EML6: variants seen among roughly 807,000 people sequenced by gnomAD.
The protein encoded by EML6 is echinoderm microtubule-associated protein-like 6.
In EML6, 154 loss-of-function variants were observed where a neutral mutation model predicts 240.1. That is an observed-to-expected ratio of 0.64 (90% CI 0.56 to 0.73). EML6 has a LOEUF of 0.73. EML6 is among the 30% of genes least tolerant of loss of function. The pLI is 0.00. For synonymous variants in EML6, 1,148 were observed against 899.0 expected (o/e 1.28, Z -4.95); for missense variants, 2,964 against 2,474.6 (o/e 1.20, Z -4.20).
chr2:54,744,781 GAAAATTT>G (rs1480200320), intron 2 of EML6, among the ~76,000 whole-genome samples: 1 of 151,984 alleles, frequency 6.6e-6, no homozygotes, highest in Non-Finnish European at 1.5e-5. Flanking sequence ...GGTGCCTATT[GAAAATTT>G]AACTATGGAC....
intron 2 of EML6, among the ~76,000 whole-genome samples, chr2:54,759,680 A>C (rs1208578510): frequency 2.6e-5 from 4 of 152,092 alleles, no homozygotes; most frequent in Non-Finnish European, 5.9e-5. Flanking sequence ...GAAAAGTTGG[A>C]TTTATACCAA....
intron 28 of EML6, among the ~76,000 whole-genome samples, chr2:54,935,132 G>A (rs1179846234): frequency 6.6e-6 from 1 of 152,150 alleles, no homozygotes; most frequent in Non-Finnish European, 1.5e-5. Flanking sequence ...TGTTTAGGTT[G>A]TCACGTTTGG....
chr2:54,733,857 A>G (rs1467647770), intron 2 of EML6, among the ~76,000 whole-genome samples: 2 of 152,174 alleles, frequency 1.3e-5, no homozygotes, highest in African/African-American at 4.8e-5. Flanking sequence ...TTTAAAGAAG[A>G]TTCCCCACCC....
In EML6 at chr2:54,812,935, G is replaced by A. The variant is rs534329482; in HGVS notation, c.198-297G>A. ...CAATAATTAAATTTCACAACATAAA[G>A]CAATTATAAAACTATACAGACGATT... On this transcript the variant is annotated intron_variant, in intron 2 of 41. Coordinates refer to ENST00000356458, the MANE Select transcript of EML6 (RefSeq NM_001039753.4). Among the ~76,000 whole-genome samples, 8 of 152,172 alleles carry A rather than the reference G, an allele frequency of 5.3e-5. No homozygotes were observed. In the South Asian group the frequency reaches 1.5e-3, roughly 28 times the overall value.
intron 25 of EML6, among the ~76,000 whole-genome samples, chr2:54,913,711 C>T (rs1054886526): frequency 6.6e-6 from 1 of 152,128 alleles, no homozygotes; most frequent in Admixed American, 6.6e-5. Flanking sequence ...CTTTTGAGGA[C>T]TTAGTCATAA....
chr2:54,899,803 C>A, intron 22 of EML6, 21 bp downstream of exon 22: 1 of 1,541,416 alleles, frequency 6.5e-7, no homozygotes, highest in Non-Finnish European at 8.8e-7. Context: ...CCACCTTACA[C>A]ATCTGTCAGA....
chr2:54,812,397 G>T (rs1202763128), intron 2 of EML6, among the ~76,000 whole-genome samples: 1 of 151,844 alleles, frequency 6.6e-6, no homozygotes, highest in Non-Finnish European at 1.5e-5. Context: ...ATTTGTATTT[G>T]TTGATTGTAT....
chr2:54,728,195 C>T (rs1319493537), intron 2 of EML6, among the ~76,000 whole-genome samples: 1 of 152,194 alleles, frequency 6.6e-6, no homozygotes, highest in Non-Finnish European at 1.5e-5. Context: ...AGATGCAAAT[C>T]AGGGCTTGAT....
intron 2 of EML6, among the ~76,000 whole-genome samples, chr2:54,799,915 A>G (rs1395867044): frequency 6.6e-6 from 1 of 152,168 alleles, no homozygotes; most frequent in African/African-American, 2.4e-5. Flanking sequence ...TGAATGTGAA[A>G]ATGTCCAGCA....
At chr2:54,949,076 C>A in intron 29 of EML6, 116 bp downstream of exon 29, 2 of 774,862 alleles carry the variant, frequency 2.6e-6, no homozygotes, top group Non-Finnish European at 4.4e-6. Flanking sequence ...GTCCCTTGGG[C>A]TCTCTTTTGT....
intron 28 of EML6, among the ~76,000 whole-genome samples, chr2:54,937,096 G>A (rs931492086): frequency 1.3e-5 from 2 of 151,262 alleles, no homozygotes; most frequent in East Asian, 3.9e-4. Context: ...CCTGACCAAC[G>A]TGGAAAAACC....
chr2:54,919,924 TG>T (rs1462464809), intron 26 of EML6, among the ~76,000 whole-genome samples: 2 of 152,238 alleles, frequency 1.3e-5, no homozygotes, highest in Admixed American at 1.3e-4. Context: ...TTTTGTATTT[TG>T]CACATTCATC....
At chr2:54,807,372 C>G (rs1040065662) in intron 2 of EML6, among the ~76,000 whole-genome samples, 3 of 152,154 alleles carry the variant, frequency 2.0e-5, no homozygotes, top group East Asian at 1.9e-4. Flanking sequence ...ATATTGAGGA[C>G]GTTTTCTCAA....
At chr2:54,823,849 A>AT (rs1491141233) in intron 5 of EML6, among the ~76,000 whole-genome samples, 1 of 62,698 alleles carries the variant, frequency 1.6e-5, no homozygotes, top group Non-Finnish European at 3.0e-5. Flanking sequence ...TCATTCATTC[A>AT]TTCTCTCTCT....
At chr2:54,732,196 G>A (rs898620941) in intron 2 of EML6, among the ~76,000 whole-genome samples, 1 of 149,238 alleles carries the variant, frequency 6.7e-6, no homozygotes. Context: ...ACATATTCTG[G>A]GTATGAGTCC....
chr2:54,842,007 C>T (rs933864572), intron 7 of EML6, among the ~76,000 whole-genome samples: 1 of 152,148 alleles, frequency 6.6e-6, no homozygotes. Flanking sequence ...TACATAGCTT[C>T]CCTCACTATC....
At chr2:54,837,216 C>G (rs753386882) in intron 7 of EML6, among the ~76,000 whole-genome samples, 4 of 152,180 alleles carry the variant, frequency 2.6e-5, no homozygotes, top group South Asian at 2.1e-4. Context: ...GTACCATGTC[C>G]TGGGCATACA....
intron 19 of EML6, 83 bp from the exon 20 acceptor site, chr2:54,894,832 A>T: frequency 1.2e-6 from 1 of 813,846 alleles, no homozygotes; most frequent in Non-Finnish European, 2.0e-6. Flanking sequence ...AAGCTTCCTT[A>T]CCTGCGGGGA....
chr2:54,794,572 C>T (rs1459681509), intron 2 of EML6, among the ~76,000 whole-genome samples: 1 of 152,078 alleles, frequency 6.6e-6, no homozygotes, highest in African/African-American at 2.4e-5. Flanking sequence ...GTCCTGATGC[C>T]CCCTAAAGGA....
Sources: allele counts gnomAD v4.1 joint callset (sites outside exome capture counted in the v4.1 genomes callset), GRCh38; gene constraint gnomAD v4.1.1; transcripts MANE v1.5; gene names NCBI Gene and HGNC (gene_info 2026-07-23, HGNC 2026-07-21).